The following C3orf52 variants were observed in gnomAD, a reference collection of about 807,000 sequenced individuals.
C3orf52 encodes TPA-induced transmembrane protein.
A neutral mutation model predicts 24.8 loss-of-function variants in C3orf52; 22 were observed. The observed-to-expected ratio is 0.89, with a 90% confidence interval of 0.63 to 1.27. The LOEUF (loss-of-function observed/expected upper bound fraction) is 1.27, where lower values mean the gene tolerates loss of function less well. Among genes scored for constraint, C3orf52 ranks in the 50% most tolerant of loss-of-function variants. The pLI is 0.00. For missense variants in C3orf52, 265 were observed against 260.7 expected, an observed-to-expected ratio of 1.02 and a Z score of -0.11; for synonymous variants, 93 against 100.2, an observed-to-expected ratio of 0.93 and a Z score of 0.43.
rs532716424 is a variant in C3orf52 at position 112,108,505 on chromosome 3, A to T, written c.397-1038A>T. Among the ~76,000 whole-genome samples the T allele has an allele frequency of 2.6e-5, 4 of 152,338 alleles. No individual in the cohort carries two copies. The East Asian group carries it at 7.7e-4, about 29-fold the overall frequency. ...CATTGGAAACTCCCGCATGTCCAAG[A>T]AGAGATGCATGGAGACATTAAGGAT... On this transcript the variant is annotated intron_variant, in intron 3 of 5. Transcript: ENST00000264848.
downstream of C3orf52, chr3:112,130,382 G>T: frequency 1.5e-6 from 2 of 1,327,510 alleles, no homozygotes; most frequent in East Asian, 2.3e-5. Context: ...GAAGTCCAGG[G>T]CTTGACATAC....
At chr3:112,099,711 GTAGCTATTATT>G (rs1449115477) in intron 2 of C3orf52, among the ~76,000 whole-genome samples, 18 of 152,258 alleles carry the variant, frequency 1.2e-4, no homozygotes, top group Admixed American at 3.3e-4. Context: ...ACTTAATACA[GTAGCTATTATT>G]CTTCCTGTTC....
intron 5 of C3orf52, among the ~76,000 whole-genome samples, chr3:112,115,632 C>T (rs1360639005): frequency 6.6e-6 from 1 of 152,102 alleles, no homozygotes; most frequent in Non-Finnish European, 1.5e-5. Flanking sequence ...ATTGTACAGA[C>T]AATTTCAGGG....
At position 112,102,946 on chromosome 3, in the gene C3orf52, C is replaced by T. The variant is rs1398806992; in HGVS notation, c.377C>T (p.Pro126Leu). The change falls in exon 3 of 6, where the codon CCT becomes CTT. Residue 126 changes from proline (P) to leucine (L), a missense_variant. Pro to Leu is a moderately conservative substitution (Grantham distance 98). Coordinates refer to ENST00000264848, the MANE Select transcript of C3orf52 (RefSeq NM_024616.3). Reference protein sequence around the residue: ...PEECVAEEELPHLLTERLTDV... With the variant: ...PEECVAEEELLHLLTERLTDV... ...GAGTGTGTTGCTGAAGAGGAATTGC[C>T]TCACCTGCTCACCGAAAGGGTAATT... The T allele has an allele frequency of 1.2e-6, 2 of 1,612,330 alleles. No homozygotes were observed. Among genetic ancestry groups the T allele is most frequent in the Non-Finnish European group, 1.7e-6 (2 of 1,179,298 alleles).
At chr3:112,109,483 G>C in intron 3 of C3orf52, 60 bp from the exon 4 acceptor site, 1 of 1,080,230 alleles carries the variant, frequency 9.3e-7, no homozygotes, top group South Asian at 1.4e-5. Context: ...GCTTTGTCAG[G>C]TGATGTGTAA....
At chr3:112,118,841 C>T (rs2074163099), downstream of C3orf52, among the ~76,000 whole-genome samples, 1 of 152,176 alleles carries the variant, frequency 6.6e-6, no homozygotes, top group African/African-American at 2.4e-5. Context: ...GATAGAATGG[C>T]AACAGCCATA....
chr3:112,112,887 A>AG, intron 4 of C3orf52, 77 bp from the exon 5 acceptor site: 3 of 1,266,980 alleles, frequency 2.4e-6, no homozygotes, highest in Non-Finnish European at 3.4e-6. Context: ...AAAAAAAAAA[A>AG]AAGTTATTGC....
chr3:112,120,677 G>A (rs1235858861), downstream of C3orf52, among the ~76,000 whole-genome samples: 3 of 152,062 alleles, frequency 2.0e-5, no homozygotes, highest in Admixed American at 1.3e-4. Context: ...TCAGGGACAG[G>A]GACTCTTTCA....
At chr3:112,128,116 A>G in intron 4 of C3orf52, 1 of 1,507,172 alleles carries the variant, frequency 6.6e-7, no homozygotes, top group South Asian at 1.1e-5. Flanking sequence ...CAGCTTTGTT[A>G]AGGTGACTCC....
At position 112,099,351 on chromosome 3, in the gene C3orf52, TC is replaced by T. The variant is rs1160954139; in HGVS notation, c.269-3485del. The stretch of plus-strand genomic sequence containing the variant: ...ACACAAACATTCAGACCATAACATA[TC>T]CTTCATCCCAATTTGTTCATCTTTT... On this transcript the variant is annotated intron_variant, in intron 2 of 5. Coordinates refer to ENST00000264848, the MANE Select transcript of C3orf52 (RefSeq NM_024616.3). Among the ~76,000 whole-genome samples the T allele has an allele frequency of 3.3e-5, 5 of 152,138 alleles. No homozygotes were observed. In the East Asian group the frequency reaches 7.7e-4, roughly 23 times the overall value.
downstream of C3orf52, among the ~76,000 whole-genome samples, chr3:112,132,331 C>T (rs932049008): frequency 2.0e-5 from 3 of 152,124 alleles, no homozygotes; most frequent in Non-Finnish European, 4.4e-5. Flanking sequence ...CCTGTGAAGA[C>T]CCCCTCTGGC....
downstream of C3orf52, chr3:112,121,259 A>G (rs1218402034): frequency 6.6e-6 from 1 of 152,226 alleles, no homozygotes; most frequent in Non-Finnish European, 1.5e-5. Context: ...TCCAGTGGCC[A>G]TGTGAAAAAT....
intron 2 of C3orf52, among the ~76,000 whole-genome samples, chr3:112,100,324 T>TCAACATA (rs2073961064): frequency 6.6e-6 from 1 of 152,222 alleles, no homozygotes; most frequent in Non-Finnish European, 1.5e-5. Context: ...TCATGTTCCT[T>TCAACATA]CAACATACAA....
chr3:112,094,070 C>G (rs374831769), intron 2 of C3orf52, among the ~76,000 whole-genome samples: 3 of 152,116 alleles, frequency 2.0e-5, no homozygotes, highest in Non-Finnish European at 4.4e-5. Context: ...CTTTGGCTCG[C>G]TGCAACCTCT....
intron 4 of C3orf52, 53 bp downstream of exon 4, chr3:112,109,666 C>G: frequency 9.1e-7 from 1 of 1,096,874 alleles, no homozygotes; most frequent in East Asian, 2.5e-5. Flanking sequence ...AGAGATCCCC[C>G]CACCCCACCC....
chr3:112,101,216 G>C (rs1041652193), intron 2 of C3orf52, among the ~76,000 whole-genome samples: 9 of 152,166 alleles, frequency 5.9e-5, no homozygotes, highest in Admixed American at 5.2e-4. Context: ...TGATCACTAT[G>C]ATCTATTACA....
intron 1 of C3orf52, among the ~76,000 whole-genome samples, chr3:112,092,782 C>A (rs943537377): frequency 6.6e-6 from 1 of 152,132 alleles, no homozygotes; most frequent in Non-Finnish European, 1.5e-5. Flanking sequence ...CTTCCCAACC[C>A]TTTTTTACAT....
chr3:112,113,751 A>T (rs143189703), intron 5 of C3orf52, among the ~76,000 whole-genome samples: 34 of 152,384 alleles, frequency 2.2e-4, no homozygotes, highest in African/African-American at 7.7e-4. Context: ...AATAAATGTA[A>T]CAAACACCCC....
chr3:112,112,828 C>T (rs755809866), intron 4 of C3orf52, 136 bp from the exon 5 acceptor site: 4 of 778,100 alleles, frequency 5.1e-6, no homozygotes, highest in Admixed American at 1.9e-5. Context: ...TATGTTCTTC[C>T]AGGACAGAAC....
Sources: gnomAD v4.1 joint callset for allele counts (sites outside exome capture counted in the v4.1 genomes callset) on GRCh38, gnomAD v4.1.1 for gene constraint, MANE v1.5 for transcripts, NCBI Gene and HGNC (gene_info 2026-07-23, HGNC 2026-07-21) for gene names.